WDR27: variants seen among roughly 807,000 people sequenced by gnomAD.
WDR27 encodes the protein WD repeat-containing protein 27.
Under a neutral mutation model 114.4 loss-of-function variants are expected in WDR27, and 100 were observed. The ratio of observed to expected loss-of-function variants is 0.87; its 90% CI spans 0.74 to 1.03. The LOEUF is 1.03. WDR27 is among the 50% of genes least tolerant of loss of function. WDR27 has a pLI of 0.00. For synonymous variants in WDR27, 449 were observed against 423.1 expected, an observed-to-expected ratio of 1.06 and a Z score of -0.75; for missense variants, 1,129 against 1,092.9, an observed-to-expected ratio of 1.03 and a Z score of -0.47.
chr6:169,428,729 T>C, the WDR27 span, among the ~76,000 whole-genome samples: 4 of 152,142 alleles, frequency 2.6e-5, no homozygotes, highest in African/African-American at 9.7e-5. Flanking sequence ...GGGCCCGCCC[T>C]CCTATTAAGA....
At position 169,605,179 on chromosome 6, in the gene WDR27, C is replaced by T. The variant is rs890797349; in HGVS notation, c.2322-2858G>A. ...TGGTAAAGAGGACATCAAATTATCC[C>T]TGCTCACTGATAATATAATCTTACA... On this transcript the variant is annotated intron_variant, in intron 22 of 25. Coordinates refer to ENST00000448612, the MANE Select transcript of WDR27 (RefSeq NM_182552.5). 6.0e-4 allele frequency among the ~76,000 whole-genome samples: 89 copies of T among 147,510 alleles called. 8 individuals are homozygous for T. The highest frequency in any genetic ancestry group is 1.5e-5 in the Non-Finnish European group (1 of 67,524).
chr6:169,444,481 T>G, the WDR27 span, among the ~76,000 whole-genome samples: 3 of 152,104 alleles, frequency 2.0e-5, no homozygotes, highest in Non-Finnish European at 4.4e-5. Flanking sequence ...CAAGAAGCAT[T>G]TCTGAGAGTC....
At chr6:169,664,390 G>T (rs903199698) in intron 7 of WDR27, 104 bp from the exon 8 acceptor site, 4 of 1,586,318 alleles carry the variant, frequency 2.5e-6, no homozygotes, top group African/African-American at 1.3e-5. Flanking sequence ...GTCACAGGAC[G>T]GGCCCTCCAC....
intron 2 of WDR27, among the ~76,000 whole-genome samples, chr6:169,683,003 G>T (rs1212334194): frequency 6.6e-6 from 1 of 152,076 alleles, no homozygotes; most frequent in Non-Finnish European, 1.5e-5. Context: ...CAGACTATTT[G>T]CAAATACACA....
At chr6:169,588,128 G>A (rs867549456) in intron 23 of WDR27, among the ~76,000 whole-genome samples, 4 of 152,306 alleles carry the variant, frequency 2.6e-5, no homozygotes, top group South Asian at 4.1e-4. Flanking sequence ...ATGCAGAGGC[G>A]ATGAGCATCA....
At chr6:169,470,160 G>A (rs1175695612) in intron 25 of WDR27, among the ~76,000 whole-genome samples, 1 of 152,114 alleles carries the variant, frequency 6.6e-6, no homozygotes, top group Non-Finnish European at 1.5e-5. Flanking sequence ...TTTCAGTAAC[G>A]TGATTTTCAC....
At chr6:169,479,111 A>G (rs1261868969) in intron 25 of WDR27, among the ~76,000 whole-genome samples, 1 of 152,126 alleles carries the variant, frequency 6.6e-6, no homozygotes, top group Non-Finnish European at 1.5e-5. Flanking sequence ...ACTCTCAACA[A>G]AGCAAAAAGA....
At chr6:169,652,317 C>T (rs1285349464) in intron 13 of WDR27, among the ~76,000 whole-genome samples, 2 of 152,222 alleles carry the variant, frequency 1.3e-5, no homozygotes, top group African/African-American at 4.8e-5. Context: ...GGTGCAAGCT[C>T]GGCTCACTGC....
intron 17 of WDR27, among the ~76,000 whole-genome samples, chr6:169,642,462 G>A (rs1055635146): frequency 1.4e-4 from 21 of 152,148 alleles, no homozygotes; most frequent in African/African-American, 3.4e-4. Flanking sequence ...ATTCAGCCAC[G>A]AAAGAGGCCG....
the WDR27 span, among the ~76,000 whole-genome samples, chr6:169,428,903 G>T: frequency 2.2e-4 from 33 of 152,316 alleles, no homozygotes; most frequent in South Asian, 6.6e-3. Context: ...AGAGGAGGAT[G>T]CCTGGCTTGT....
chr6:169,474,389 A>G (rs7757352), intron 25 of WDR27, among the ~76,000 whole-genome samples: 50,642 of 152,160 alleles, frequency 0.33, 9,982 homozygotes, highest in African/African-American at 0.55. Context: ...TTTAGACAAT[A>G]TAACTGTAAT....
At chr6:169,606,493 G>A (rs1809213500) in intron 22 of WDR27, among the ~76,000 whole-genome samples, 1 of 152,126 alleles carries the variant, frequency 6.6e-6, no homozygotes, top group South Asian at 2.1e-4. Flanking sequence ...GCCCCAGTGT[G>A]TGTTGTTCCA....
intron 10 of WDR27, among the ~76,000 whole-genome samples, chr6:169,660,074 G>A (rs927749695): frequency 3.3e-5 from 5 of 151,298 alleles, no homozygotes; most frequent in African/African-American, 9.7e-5. Context: ...CTGCTGCAGT[G>A]GAGGAGAGGG....
chr6:169,682,656 T>C (rs901926709), intron 2 of WDR27, among the ~76,000 whole-genome samples: 4 of 152,124 alleles, frequency 2.6e-5, no homozygotes, highest in Non-Finnish European at 4.4e-5. Context: ...AATCCCTCAG[T>C]GCACAGACGT....
At chr6:169,556,655 A>T (rs926449) in intron 25 of WDR27, among the ~76,000 whole-genome samples, 134,101 of 152,224 alleles carry the variant, frequency 0.88, 59,960 homozygotes, top group East Asian at 0.99. Flanking sequence ...TGTTCATTAA[A>T]GGATGCCATG....
In WDR27 at chr6:169,562,992, G is replaced by A. The variant is rs147573959; in HGVS notation, c.2645+9427C>T. Among the ~76,000 whole-genome samples the A allele has an allele frequency of 2.9e-3, 440 of 152,212 alleles. 3 individuals carry two copies. The highest frequency in any genetic ancestry group is 0.01 in the African/African-American group (422 of 41,522). ...CAGCAGCGCTGCCGGGGGAATGCCC[G>A]GAGCAAATGGGTCTAAAGGAGACAC... On this transcript the variant is annotated intron_variant, in intron 25 of 25. Coordinates refer to ENST00000448612, the MANE Select transcript of WDR27 (RefSeq NM_182552.5).
At chr6:169,469,797 T>C (rs1786098940) in intron 25 of WDR27, among the ~76,000 whole-genome samples, 1 of 152,228 alleles carries the variant, frequency 6.6e-6, no homozygotes, top group African/African-American at 2.4e-5. Context: ...CTGGCAATGT[T>C]TCCACTGGTA....
Position 169,618,645 on chromosome 6 carries a change from A to AAC in WDR27, c.2224-4990_2224-4989insGT, listed in dbSNP as rs1297240861. ...ATGACTGCAAAAAAAAAAAAAAAAA[A>AAC]AAAACATTATTGATGCATGACTAAT... On this transcript the variant is annotated intron_variant, in intron 21 of 25. Transcript: ENST00000448612. Among the ~76,000 whole-genome samples, 9 of 151,446 alleles carry AAC rather than the reference A, an allele frequency of 5.9e-5. No individual in the cohort carries two copies. In the East Asian group the frequency reaches 1.2e-3, roughly 19 times the overall value.
chr6:169,445,393 G>T, the WDR27 span, among the ~76,000 whole-genome samples: 2 of 151,892 alleles, frequency 1.3e-5, no homozygotes, highest in Non-Finnish European at 2.9e-5. Context: ...GAAGGTGTAG[G>T]GTCTCCGGTG....
Sources: allele counts gnomAD v4.1 joint callset (sites outside exome capture counted in the v4.1 genomes callset), GRCh38; gene constraint gnomAD v4.1.1; transcripts MANE v1.5; gene names NCBI Gene and HGNC (gene_info 2026-07-23, HGNC 2026-07-21).